MGAM: variants seen among roughly 807,000 people sequenced by gnomAD.
MGAM encodes the protein alpha-1,4-glucosidase.
MGAM carries 253 observed loss-of-function variants against 358.8 expected under a neutral mutation model. That is an observed-to-expected ratio of 0.71 (90% confidence interval 0.64 to 0.78). MGAM has a LOEUF of 0.78. Ranked by LOEUF, MGAM falls within the 30% of genes least tolerant of loss-of-function variation. The pLI is 0.00. For missense variants in MGAM, 3,080 were observed against 3,432.6 expected (o/e 0.90, Z 2.57); for synonymous variants, 1,105 against 1,227.1 (o/e 0.90, Z 2.08).
intron 22 of MGAM, among the ~76,000 whole-genome samples, chr7:142,049,438 T>G (rs889481045): frequency 1.3e-5 from 2 of 151,954 alleles, no homozygotes; most frequent in Non-Finnish European, 2.9e-5. Context: ...AAATAGCAAA[T>G]AATAAACAAG....
chr7:142,043,997 A>G (rs147115896), intron 21 of MGAM, among the ~76,000 whole-genome samples: 3,391 of 47,760 alleles, frequency 0.071, 293 homozygotes, highest in Middle Eastern at 0.19. Flanking sequence ...CATTATATAC[A>G]CATACGACGT....
intron 3 of MGAM, among the ~76,000 whole-genome samples, chr7:142,011,923 A>G (rs1805630802): frequency 1.3e-5 from 2 of 152,118 alleles, no homozygotes; most frequent in Non-Finnish European, 2.9e-5. Context: ...AAATTTCAAA[A>G]CCTGACTCAA....
intron 23 of MGAM, 87 bp from the exon 24 acceptor site, chr7:142,050,610 C>G (rs1308081786): frequency 7.4e-7 from 1 of 1,358,358 alleles, no homozygotes. Context: ...TGGGGGGTAT[C>G]CGGTCTGGAA....
chr7:142,047,674 C>G, intron 21 of MGAM, 111 bp from the exon 22 acceptor site: 1 of 962,406 alleles, frequency 1.0e-6, no homozygotes, highest in Admixed American at 2.1e-5. Flanking sequence ...AAAAGCAGAA[C>G]CATCTGCTGC....
At position 142,041,944 on chromosome 7, in the gene MGAM, ATATACAT is replaced by A. The variant is rs1563144790; in HGVS notation, c.2498+1099_2498+1105del. The stretch of plus-strand genomic sequence containing the variant: ...ATAATATATAATATATATATTATAT[ATATACAT>A]ATATATAATATATATATATTATATA... On this transcript the variant is annotated intron_variant, in intron 21 of 70. Coordinates refer to ENST00000475668, the MANE Select transcript of MGAM (RefSeq NM_001365693.1). Among the ~76,000 whole-genome samples, 18 of 16,452 alleles carry A rather than the reference ATATACAT, an allele frequency of 1.1e-3. 1 individual carries two copies. The highest frequency in any genetic ancestry group is 1.6e-3 in the African/African-American group (10 of 6,092). 10.8% of individuals were successfully genotyped at this position (16,452 alleles called of 152,430 possible). A position where few individuals can be genotyped will look rare whatever the true frequency, so the allele number is the denominator to read the frequency against.
At chr7:142,065,501 C>A in intron 38 of MGAM, 33 bp downstream of exon 38, 2 of 1,613,806 alleles carry the variant, frequency 1.2e-6, no homozygotes, top group Non-Finnish European at 1.7e-6. Flanking sequence ...CCTTTGCCGA[C>A]AGGGCAGGGA....
At position 142,067,439 on chromosome 7, in the gene MGAM, C is replaced by A; in HGVS notation, c.5004+14C>A. On this transcript the variant is annotated intron_variant, in intron 42 of 70. Coordinates refer to ENST00000475668, the MANE Select transcript of MGAM (RefSeq NM_001365693.1). ...GTCCTGGAGCGCGTGAGTATGGAGG[C>A]CTCCGATGAGGGGAGGATCCCAGCT... The A allele has an allele frequency of 1.3e-6, 2 of 1,545,790 alleles. No homozygotes were observed. The highest frequency in any genetic ancestry group is 1.7e-4 in the Middle Eastern group (1 of 5,844).
Position 142,052,356 on chromosome 7 carries a change from A to G in MGAM, c.2868A>G (p.Ile956Met). Reference protein sequence around the residue: ...LGEAYTVEWSIKIRDEEKIDC... With the variant: ...LGEAYTVEWSMKIRDEEKIDC... ...AAGCATACACAGTGGAATGGAGCAT[A>G]AAGATAAGGGATGAAGAAAAAATAG... The change falls in exon 25 of 71, where the codon ATA becomes ATG. Residue 956 changes from isoleucine to methionine, a missense_variant. Ile to Met is a conservative substitution (Grantham distance 10). This residue lies in a region of MGAM where 1,816 missense variants were observed against 1,840.5 expected (regional missense o/e 0.99). Transcript: ENST00000475668. 6.2e-7 allele frequency: 1 copy of G among 1,611,526 alleles called. No homozygotes were observed. The highest frequency in any genetic ancestry group is 2.2e-5 in the East Asian group (1 of 44,790).
At chr7:142,030,879 A>G (rs1807426190) in intron 12 of MGAM, 122 bp downstream of exon 12, 2 of 679,706 alleles carry the variant, frequency 2.9e-6, no homozygotes, top group East Asian at 5.5e-5. Context: ...GTATATTTAT[A>G]TATGCTGGGG....
intron 65 of MGAM, among the ~76,000 whole-genome samples, chr7:142,097,182 C>T (rs1166087629): frequency 1.3e-5 from 2 of 152,054 alleles, no homozygotes; most frequent in African/African-American, 4.8e-5. Context: ...CATGATCCGC[C>T]TGACTCGGCC....
chr7:141,986,641 A>G (rs1803716596), intron 2 of MGAM, among the ~76,000 whole-genome samples: 1 of 152,192 alleles, frequency 6.6e-6, no homozygotes, highest in Non-Finnish European at 1.5e-5. Context: ...GGCTCATTAT[A>G]GGGGAAAATT....
At chr7:142,024,796 C>A (rs561013764) in intron 7 of MGAM, among the ~76,000 whole-genome samples, 38 of 152,160 alleles carry the variant, frequency 2.5e-4, no homozygotes, top group Admixed American at 4.6e-4. Flanking sequence ...TATCCTCTTA[C>A]CTTCTAAAAA....
intron 70 of MGAM, 97 bp downstream of exon 70, chr7:142,103,536 C>T: frequency 1.6e-6 from 2 of 1,212,732 alleles, no homozygotes; most frequent in Non-Finnish European, 2.2e-6. Context: ...CCCTCTCCTG[C>T]CAGGCCCTCC....
chr7:142,052,854 A>G lies in MGAM; in HGVS notation c.3029A>G (p.Tyr1010Cys), dbSNP rs1373499992. 7.4e-6 allele frequency: 12 copies of G among 1,613,774 alleles called. No homozygotes were observed. Among genetic ancestry groups the G allele is most frequent in the African/African-American group, 2.7e-5 (2 of 74,904 alleles). The change falls in exon 26 of 71, where the codon TAT (tyrosine) becomes TGT (cysteine). Residue 1010 changes from tyrosine to cysteine, a missense_variant. By Grantham distance (194) the Tyr-to-Cys change is radical (BLOSUM62 -2). Transcript: ENST00000475668. ...NDLYSVSDVQ[Y>C]NSHGATADIS... is the part of the protein sequence containing the mutation. ...CTATACTCTGTCAGTGATGTTCAGT[A>G]TAATTCCCATGGGGCCACAGCTGAC... is the stretch of plus-strand genomic sequence containing the variant.
chr7:141,989,551 CTTT>C (rs71166551), intron 2 of MGAM, among the ~76,000 whole-genome samples: 1 of 142,994 alleles, frequency 7.0e-6, no homozygotes, highest in Admixed American at 7.0e-5. Flanking sequence ...GTTCTTCTTT[CTTT>C]TTTTTTTTTT....
At chr7:142,078,163 C>T (rs537324450) in intron 47 of MGAM, among the ~76,000 whole-genome samples, 155 bp from the exon 48 acceptor site, 1 of 146,302 alleles carries the variant, frequency 6.8e-6, no homozygotes, top group Middle Eastern at 3.5e-3. Context: ...GTACAGTTCT[C>T]TTCTTATAAG....
At position 142,056,926 on chromosome 7, in the gene MGAM, C is replaced by T. The variant is rs556277836; in HGVS notation, c.3677C>T (p.Thr1226Ile). 206 of 1,613,834 alleles carry T rather than the reference C, an allele frequency of 1.3e-4. 2 individuals carry two copies. In the South Asian group the frequency reaches 1.7e-3, roughly 13 times the overall value. Reference sequence around the variant, plus strand: ...TTGGGGCCGACTCCAGAGCTTGTCACCCAGCAGTACACTGAGGTAGGGGGA... The same window carrying T: ...TTGGGGCCGACTCCAGAGCTTGTCATCCAGCAGTACACTGAGGTAGGGGGA... The part of the protein sequence containing the change: ...VFLGPTPELV[T>I]QQYTELIGRP... Residue 1226 changes from threonine (T) to isoleucine (I), a missense_variant, in exon 30 of 71, where the codon ACC becomes ATC. Coordinates refer to ENST00000475668, the MANE Select transcript of MGAM (RefSeq NM_001365693.1).
rs1286755403 is a variant in MGAM, at chr7:142,088,449, G to A, written c.6810+1732G>A. Among the ~76,000 whole-genome samples the A allele has an allele frequency of 2.8e-5, 4 of 143,874 alleles. 1 individual carries two copies. The highest frequency in any genetic ancestry group is 4.7e-5 in the Non-Finnish European group (3 of 63,924). The allele number at this position is 143,874 out of a possible 152,430, so 94.4% of individuals were successfully genotyped here. On this transcript the variant is annotated intron_variant, in intron 57 of 70. Coordinates refer to ENST00000475668, the MANE Select transcript of MGAM (RefSeq NM_001365693.1). ...TCCATGTACCCATCTATGTATGTATGTATGTATGTATGTACGTATCTATCT... is the reference window on the plus strand; with the variant it reads ...TCCATGTACCCATCTATGTATGTATATATGTATGTATGTACGTATCTATCT...
At position 142,079,927 on chromosome 7, in the gene MGAM, T is replaced by A. The variant is rs112462789; in HGVS notation, c.5848-864T>A. On this transcript the variant is annotated intron_variant, in intron 49 of 70. Coordinates refer to ENST00000475668, the MANE Select transcript of MGAM (RefSeq NM_001365693.1). ...AGGCACCTAATGGGTTTGAAGTGAATGAACTTCCTTGGAGTTCTAGCCTTA... is the reference window on the plus strand; with the variant it reads ...AGGCACCTAATGGGTTTGAAGTGAAAGAACTTCCTTGGAGTTCTAGCCTTA... 2.5e-3 allele frequency among the ~76,000 whole-genome samples: 365 copies of A among 146,694 alleles called. 12 individuals carry two copies. The highest frequency in any genetic ancestry group is 8.3e-3 in the African/African-American group (343 of 41,254).
Sources: allele counts gnomAD v4.1 joint callset (sites outside exome capture counted in the v4.1 genomes callset), GRCh38; gene constraint gnomAD v4.1.1; regional missense constraint gnomAD v4.1.1; transcripts MANE v1.5; gene names NCBI Gene and HGNC (gene_info 2026-07-23, HGNC 2026-07-21).